The following TRPM3 variants were observed in gnomAD, a reference collection of about 807,000 sequenced individuals.
TRPM3 encodes long transient receptor potential channel 3.
In TRPM3, 77 loss-of-function variants were observed where a neutral mutation model predicts 181.2. That is an observed-to-expected ratio of 0.42 (90% confidence interval 0.35 to 0.51). The LOEUF is 0.51. Among genes scored for constraint, TRPM3 ranks in the 20% least tolerant of loss-of-function variants. TRPM3 has a pLI of 0.01. For missense variants in TRPM3, 1,759 were observed against 2,196.7 expected, an observed-to-expected ratio of 0.80 and a Z score of 3.98; for synonymous variants, 745 against 796.4, an observed-to-expected ratio of 0.94 and a Z score of 1.09.
At chr9:70,660,345 A>G (rs1446020635) in intron 9 of TRPM3, among the ~76,000 whole-genome samples, 3 of 152,116 alleles carry the variant, frequency 2.0e-5, no homozygotes, top group African/African-American at 7.2e-5. Flanking sequence ...GGCTAATCAG[A>G]AACTCAAAAG....
intron 1 of TRPM3, among the ~76,000 whole-genome samples, chr9:71,059,143 A>G (rs2061014917): frequency 6.6e-6 from 1 of 150,440 alleles, no homozygotes; most frequent in East Asian, 2.0e-4. Flanking sequence ...TACCAAAACC[A>G]AAGAAGGAAT....
At chr9:71,110,952 T>A (rs1001633088) in intron 1 of TRPM3, among the ~76,000 whole-genome samples, 1 of 152,202 alleles carries the variant, frequency 6.6e-6, no homozygotes, top group Admixed American at 6.6e-5. Flanking sequence ...TGAAATGAAA[T>A]GTATATTGCA....
At chr9:71,421,645 C>T (rs374651734) in intron 1 of TRPM3, among the ~76,000 whole-genome samples, 2 of 151,928 alleles carry the variant, frequency 1.3e-5, no homozygotes, top group African/African-American at 4.8e-5. Flanking sequence ...GTGCAGACAT[C>T]ATAGGGTATA....
chr9:71,151,106 G>T (rs187752995), intron 1 of TRPM3, among the ~76,000 whole-genome samples: 1 of 152,150 alleles, frequency 6.6e-6, no homozygotes, highest in African/African-American at 2.4e-5. Context: ...GTGTGTGTGC[G>T]CGTGCATGCG....
chr9:70,753,438 G>C (rs1308271239), intron 8 of TRPM3, among the ~76,000 whole-genome samples: 3 of 152,058 alleles, frequency 2.0e-5, no homozygotes, highest in Non-Finnish European at 4.4e-5. Flanking sequence ...ATAAATACGA[G>C]GATTGGCTGG....
At position 71,234,048 on chromosome 9, in the gene TRPM3, T is replaced by C. The variant is rs138973360; in HGVS notation, c.183+212605A>G. Among the ~76,000 whole-genome samples the C allele has an allele frequency of 7.2e-5, 11 of 152,330 alleles. No individual in the cohort carries two copies. In the East Asian group the frequency reaches 1.9e-3, roughly 27 times the overall value. On this transcript the variant is annotated intron_variant, in intron 1 of 24. Transcript: ENST00000357533. ...TATGGGCCAGGAATTTGGGAGCAGT[T>C]TGGCTGTGTGGTTCTGGCTTAAGAT... is the stretch of plus-strand genomic sequence containing the variant.
intron 22 of TRPM3, among the ~76,000 whole-genome samples, chr9:70,589,455 A>T (rs2057735578): frequency 6.6e-6 from 1 of 152,218 alleles, no homozygotes; most frequent in African/African-American, 2.4e-5. Context: ...GAAAACTAAA[A>T]AAGGCAAAAT....
chr9:71,353,412 T>C (rs993328742), intron 1 of TRPM3, among the ~76,000 whole-genome samples: 2 of 152,126 alleles, frequency 1.3e-5, no homozygotes, highest in Non-Finnish European at 1.5e-5. Flanking sequence ...AGGTAAGAGA[T>C]GTCCAAGGCC....
At chr9:70,930,396 A>T (rs1044307820) in intron 1 of TRPM3, among the ~76,000 whole-genome samples, 1 of 152,154 alleles carries the variant, frequency 6.6e-6, no homozygotes, top group African/African-American at 2.4e-5. Context: ...CATAAAAATT[A>T]TTTATCTGGG....
intron 1 of TRPM3, among the ~76,000 whole-genome samples, chr9:71,036,320 C>T (rs1007571217): frequency 6.6e-6 from 1 of 152,178 alleles, no homozygotes; most frequent in African/African-American, 2.4e-5. Flanking sequence ...AATTAGGATG[C>T]ATGCAGCATG....
In TRPM3 at chr9:71,293,675, AT is replaced by A. The variant is rs566230209; in HGVS notation, c.183+152977del. On this transcript the variant is annotated intron_variant, in intron 1 of 24. Transcript: ENST00000357533. ...CAAATTGATCTATACTTTTAATGCA[AT>A]TTCAGTAAAAATCCCAAGGATGTTT... 2.3e-4 allele frequency among the ~76,000 whole-genome samples: 35 copies of A among 152,066 alleles called. 1 individual carries two copies. In the East Asian group the frequency reaches 5.6e-3, roughly 24 times the overall value.
intron 7 of TRPM3, among the ~76,000 whole-genome samples, chr9:70,781,331 A>T (rs1229478121): frequency 4.2e-5 from 6 of 144,440 alleles, no homozygotes; most frequent in Non-Finnish European, 9.0e-5. Context: ...TTTCATAAAA[A>T]AAAAAAAAAA....
intron 1 of TRPM3, among the ~76,000 whole-genome samples, chr9:71,162,511 T>A (rs1360367780): frequency 6.6e-6 from 1 of 152,114 alleles, no homozygotes; most frequent in Non-Finnish European, 1.5e-5. Flanking sequence ...ATATATAGCT[T>A]CATGCAATAT....
intron 1 of TRPM3, among the ~76,000 whole-genome samples, chr9:71,401,189 C>A (rs1244438683): frequency 8.8e-6 from 1 of 113,054 alleles, no homozygotes; most frequent in African/African-American, 3.6e-5. Context: ...CAAAGTGAGA[C>A]ACCATCGCAA....
chr9:71,237,959 C>A (rs780970861), intron 1 of TRPM3, among the ~76,000 whole-genome samples: 25 of 152,270 alleles, frequency 1.6e-4, no homozygotes, highest in Middle Eastern at 3.4e-3. Context: ...AAAGGCCCTA[C>A]ATCTTAATAC....
At chr9:71,179,074 G>A (rs1205423550) in intron 1 of TRPM3, among the ~76,000 whole-genome samples, 2 of 152,114 alleles carry the variant, frequency 1.3e-5, no homozygotes, top group Non-Finnish European at 2.9e-5. Context: ...AGAAGATATT[G>A]AACCTTGATT....
chr9:70,753,261 A>T lies in TRPM3; in HGVS notation c.1272+8340T>A, dbSNP rs188422214. Among the ~76,000 whole-genome samples, 31 of 152,302 alleles carry T rather than the reference A, an allele frequency of 2.0e-4. 1 individual carries two copies. Among genetic ancestry groups the T allele is most frequent in the East Asian group, 5.8e-4 (3 of 5,180 alleles). ...TCAAAGTACATCAAAAAAAGTGAAA[A>T]AACAAGCCCCAAACTGAGAAAATGT... is the stretch of plus-strand genomic sequence containing the variant. On this transcript the variant is annotated intron_variant, in intron 8 of 25. Coordinates refer to ENST00000677713, the MANE Select transcript of TRPM3 (RefSeq NM_001366145.2).
intron 14 of TRPM3, among the ~76,000 whole-genome samples, chr9:70,623,509 T>C (rs772312762): frequency 2.0e-5 from 3 of 152,142 alleles, no homozygotes; most frequent in African/African-American, 4.8e-5. Context: ...TAAGATGTAA[T>C]TGGGTTTGGC....
chr9:71,151,969 A>C (rs938114927), intron 1 of TRPM3, among the ~76,000 whole-genome samples: 3 of 152,168 alleles, frequency 2.0e-5, no homozygotes, highest in Non-Finnish European at 4.4e-5. Context: ...AAAACCAGGG[A>C]AAGATATATC....
Sources: allele counts gnomAD v4.1 joint callset (sites outside exome capture counted in the v4.1 genomes callset), GRCh38; gene constraint gnomAD v4.1.1; transcripts MANE v1.5; gene names NCBI Gene and HGNC (gene_info 2026-07-23, HGNC 2026-07-21).